DNM1L: variants seen among roughly 807,000 people sequenced by gnomAD.
DNM1L encodes dynamin-1-like protein.
In DNM1L, 33 loss-of-function variants were observed where a neutral mutation model predicts 92.8. That is an observed-to-expected ratio of 0.36 (90% CI 0.27 to 0.48). The LOEUF is 0.48. Ranked by LOEUF, DNM1L falls within the 20% of genes least tolerant of loss-of-function variation. The pLI, the probability that DNM1L is intolerant of heterozygous loss-of-function variation, is 0.99. For missense variants in DNM1L, 485 were observed against 888.8 expected, an observed-to-expected ratio of 0.55 and a Z score of 5.78; for synonymous variants, 284 against 305.0, an observed-to-expected ratio of 0.93 and a Z score of 0.72.
At chr12:32,685,195 C>G (rs866274664) in intron 1 of DNM1L, among the ~76,000 whole-genome samples, 2 of 152,038 alleles carry the variant, frequency 1.3e-5, no homozygotes, top group Non-Finnish European at 2.9e-5. Flanking sequence ...CCTCGGCCTC[C>G]CAAAGTGCTG....
chr12:32,735,429 A>G (rs1954804745), intron 13 of DNM1L, among the ~76,000 whole-genome samples: 2 of 152,286 alleles, frequency 1.3e-5, no homozygotes, highest in South Asian at 4.1e-4. Context: ...TTTGCTTTGT[A>G]TCCCTGTTCA....
At chr12:32,739,919 G>A (rs1317184791) in intron 16 of DNM1L, 145 bp from the exon 17 acceptor site, 1 of 975,032 alleles carries the variant, frequency 1.0e-6, no homozygotes, top group Non-Finnish European at 1.6e-6. Context: ...ATGCTACCTA[G>A]TGTCTCCTTC....
intron 9 of DNM1L, among the ~76,000 whole-genome samples, chr12:32,723,114 T>TG (rs918072056): frequency 3.5e-4 from 53 of 151,284 alleles, no homozygotes; most frequent in African/African-American, 1.3e-3. Flanking sequence ...AAGTCCAGCC[T>TG]GGGCAACATA....
chr12:32,705,686 C>T (rs1200875575), intron 2 of DNM1L: 41 of 754,508 alleles, frequency 5.4e-5, no homozygotes, highest in East Asian at 4.6e-4. Context: ...ACTTTACTTT[C>T]GTCAGTAAAT....
chr12:32,705,052 C>G (rs1274736802), intron 2 of DNM1L, among the ~76,000 whole-genome samples: 1 of 139,664 alleles, frequency 7.2e-6, no homozygotes, highest in African/African-American at 2.7e-5. Flanking sequence ...GTTGCCCAGG[C>G]TGGTGTGCAG....
At chr12:32,743,217 C>A in intron 19 of DNM1L, 137 bp from the exon 20 acceptor site, 1 of 775,744 alleles carries the variant, frequency 1.3e-6, no homozygotes, top group Non-Finnish European at 2.1e-6. Context: ...GATTCTAATT[C>A]CAGAGAAGAT....
At chr12:32,708,580 CAGGA>C (rs1953011504) in intron 4 of DNM1L, among the ~76,000 whole-genome samples, 1 of 152,068 alleles carries the variant, frequency 6.6e-6, no homozygotes, top group Non-Finnish European at 1.5e-5. Context: ...TACTCTAACT[CAGGA>C]AGCATTGTTT....
chr12:32,708,205 G>T lies in DNM1L; in HGVS notation c.350G>T (p.Arg117Ile). The T allele has an allele frequency of 1.3e-6, 2 of 1,599,858 alleles. No homozygotes were observed. Among genetic ancestry groups the T allele is most frequent in the Non-Finnish European group, 8.6e-7 (1 of 1,167,986 alleles). ...CAAGAAATTGAAAATGAAACAGAAA[G>T]AATTTCAGGAAATAATAAGGTAGGC... The part of the protein sequence containing the change: ...IRQEIENETE[R>I]ISGNNKGVSP... Residue 117 changes from arginine (R) to isoleucine (I), a missense_variant, in exon 4 of 20, where the codon AGA (arginine) becomes ATA (isoleucine). Coordinates refer to ENST00000549701, the MANE Select transcript of DNM1L (RefSeq NM_012062.5).
Position 32,742,167 on chromosome 12 carries a change from C to T in DNM1L, c.1995-422C>T, listed in dbSNP as rs193241472. ...TTGCCCAGGCTGGAGTGCAGTGGCGCGTTCTTGGCTCACTGCAATCTCCAC... is the reference window on the plus strand; with the variant it reads ...TTGCCCAGGCTGGAGTGCAGTGGCGTGTTCTTGGCTCACTGCAATCTCCAC... On this transcript the variant is annotated intron_variant, in intron 18 of 19. Transcript: ENST00000549701. 3.9e-3 allele frequency among the ~76,000 whole-genome samples: 585 copies of T among 151,934 alleles called. 1 individual carries two copies. Among genetic ancestry groups the T allele is most frequent in the Non-Finnish European group, 6.0e-3 (409 of 67,968 alleles).
At chr12:32,719,739 A>G (rs1279982815) in intron 7 of DNM1L, among the ~76,000 whole-genome samples, 2 of 152,192 alleles carry the variant, frequency 1.3e-5, no homozygotes, top group African/African-American at 4.8e-5. Flanking sequence ...TGAGTGTCTA[A>G]TTACGTTTTA....
At chr12:32,692,819 A>G (rs1354387869) in intron 1 of DNM1L, 2 of 152,250 alleles carry the variant, frequency 1.3e-5, no homozygotes, top group Non-Finnish European at 2.9e-5. Context: ...TCCACTCACT[A>G]TCAGTCACAA....
intron 13 of DNM1L, among the ~76,000 whole-genome samples, chr12:32,734,342 T>C (rs1363704681): frequency 6.6e-6 from 1 of 152,116 alleles, no homozygotes; most frequent in Non-Finnish European, 1.5e-5. Context: ...TTTTTTTCTC[T>C]GCCGCTTTTC....
chr12:32,739,200 A>G (rs998745020), intron 16 of DNM1L, among the ~76,000 whole-genome samples: 2 of 152,186 alleles, frequency 1.3e-5, no homozygotes, highest in Non-Finnish European at 2.9e-5. Context: ...ACCTCAAACT[A>G]CCATTTTTCT....
At chr12:32,738,213 G>A (rs1260680394) in intron 15 of DNM1L, 51 bp from the exon 16 acceptor site, 3 of 1,599,362 alleles carry the variant, frequency 1.9e-6, no homozygotes, top group East Asian at 4.5e-5. Flanking sequence ...CAACCCATTG[G>A]TATTTAAATT....
intron 9 of DNM1L, chr12:32,727,510 G>C (rs894717847): frequency 3.1e-5 from 16 of 518,028 alleles, no homozygotes; most frequent in Admixed American, 9.6e-5. Flanking sequence ...TAAAAAAAGA[G>C]ACCCTATCTC....
chr12:32,710,139 C>T (rs766749874), intron 4 of DNM1L, among the ~76,000 whole-genome samples: 2 of 152,176 alleles, frequency 1.3e-5, no homozygotes, highest in African/African-American at 2.4e-5. Flanking sequence ...AGGGAGCCTA[C>T]GCAGTATTCT....
intron 9 of DNM1L, chr12:32,727,470 G>A: frequency 1.6e-6 from 1 of 619,202 alleles, no homozygotes; most frequent in Non-Finnish European, 2.9e-6. Flanking sequence ...GTGGGGAGGA[G>A]CAAGAGGCAG....
At chr12:32,743,270 A>G in intron 19 of DNM1L, 84 bp from the exon 20 acceptor site, 1 of 1,211,314 alleles carries the variant, frequency 8.3e-7, no homozygotes. Flanking sequence ...TACCACATAT[A>G]TATTGGAAAA....
chr12:32,685,508 C>A (rs1231069805), intron 1 of DNM1L, among the ~76,000 whole-genome samples: 2 of 151,890 alleles, frequency 1.3e-5, no homozygotes, highest in African/African-American at 4.8e-5. Context: ...TTACAGGTGC[C>A]CGCCACTACT....
Sources: allele counts gnomAD v4.1 joint callset (sites outside exome capture counted in the v4.1 genomes callset), GRCh38; gene constraint gnomAD v4.1.1; transcripts MANE v1.5; gene names NCBI Gene and HGNC (gene_info 2026-07-23, HGNC 2026-07-21).